PDE3B: variants seen among roughly 807,000 people sequenced by gnomAD.
The protein encoded by PDE3B is cGMP-inhibited 3',5'-cyclic phosphodiesterase 3B.
Under a neutral mutation model 116.8 loss-of-function variants are expected in PDE3B, and 66 were observed. That is an observed-to-expected ratio of 0.56 (90% confidence interval 0.46 to 0.69). The LOEUF (loss-of-function observed/expected upper bound fraction) is 0.69, where lower values mean the gene tolerates loss of function less well. Ranked by LOEUF, PDE3B falls within the 30% of genes least tolerant of loss-of-function variation. The pLI is 0.00. For synonymous variants in PDE3B, 595 were observed against 533.6 expected (o/e 1.12, Z -1.59); for missense variants, 1,384 against 1,368.1 (o/e 1.01, Z -0.18).
intron 14 of PDE3B, among the ~76,000 whole-genome samples, chr11:14,862,396 C>T (rs1439455739): frequency 6.6e-6 from 1 of 152,076 alleles, no homozygotes; most frequent in Non-Finnish European, 1.5e-5. Context: ...TTAAGTTATT[C>T]AGGGTGTGCT....
chr11:14,769,847 T>C (rs971328675), intron 1 of PDE3B, among the ~76,000 whole-genome samples: 1 of 149,890 alleles, frequency 6.7e-6, no homozygotes, highest in Admixed American at 6.7e-5. Context: ...TTGGAAGTGA[T>C]AGCACCACTG....
At position 14,643,862 on chromosome 11, in the gene PDE3B, G is replaced by A. The variant is rs1853267039; in HGVS notation, c.-214G>A. On this transcript the variant is annotated 5_prime_UTR_variant, in exon 1 of 16. Transcript: ENST00000282096. ...GCAGCTAAACTGGTCCTGGAGAGAA[G>A]CCCCTTCCGCCCCTCTCCTCAGCCA... 1 of 601,098 alleles carries A rather than the reference G, an allele frequency of 1.7e-6. No individual in the cohort carries two copies. Among genetic ancestry groups the A allele is most frequent in the Non-Finnish European group, 2.6e-6 (1 of 384,980 alleles). 37.2% of individuals were successfully genotyped at this position (601,098 alleles called of 1,614,324 possible).
intron 7 of PDE3B, among the ~76,000 whole-genome samples, chr11:14,829,479 G>A (rs1257149728): frequency 6.6e-6 from 1 of 152,012 alleles, no homozygotes; most frequent in African/African-American, 2.4e-5. Context: ...TAAGAGAAAA[G>A]GCAAAGAAAA....
chr11:14,740,712 C>G (rs948880172), intron 1 of PDE3B, among the ~76,000 whole-genome samples: 1 of 152,180 alleles, frequency 6.6e-6, no homozygotes, highest in Non-Finnish European at 1.5e-5. Flanking sequence ...GATTGTAGAT[C>G]TTTTCTGCTT....
At chr11:14,819,779 T>TA (rs1317187300) in intron 7 of PDE3B, among the ~76,000 whole-genome samples, 1 of 152,046 alleles carries the variant, frequency 6.6e-6, no homozygotes, top group East Asian at 1.9e-4. Context: ...ATTGAAGAAC[T>TA]AAAAAAATCT....
intron 1 of PDE3B, among the ~76,000 whole-genome samples, chr11:14,690,821 A>G (rs1228584025): frequency 6.6e-6 from 1 of 152,118 alleles, no homozygotes; most frequent in Non-Finnish European, 1.5e-5. Flanking sequence ...ACTAATGAGT[A>G]TGAATTTGGG....
At chr11:14,730,373 T>C (rs1410783745) in intron 1 of PDE3B, among the ~76,000 whole-genome samples, 1 of 152,244 alleles carries the variant, frequency 6.6e-6, no homozygotes, top group Non-Finnish European at 1.5e-5. Flanking sequence ...TTTCTAAGTG[T>C]AGGAAAGTTC....
intron 1 of PDE3B, among the ~76,000 whole-genome samples, chr11:14,718,432 C>T (rs1157127140): frequency 3.4e-5 from 5 of 147,074 alleles, no homozygotes; most frequent in African/African-American, 1.3e-4. Context: ...TAATAGACAT[C>T]TACAGAACTC....
chr11:14,731,869 T>C (rs1856467607), intron 1 of PDE3B, among the ~76,000 whole-genome samples: 1 of 152,216 alleles, frequency 6.6e-6, no homozygotes, highest in African/African-American at 2.4e-5. Flanking sequence ...ATGGAGCTTA[T>C]ACACTTATAG....
At chr11:14,821,832 G>T (rs1195773443) in intron 7 of PDE3B, among the ~76,000 whole-genome samples, 1 of 151,698 alleles carries the variant, frequency 6.6e-6, no homozygotes, top group African/African-American at 2.4e-5. Flanking sequence ...GAGAAAGCTT[G>T]CCATTATTAA....
At chr11:14,743,531 G>A (rs1856823648) in intron 1 of PDE3B, among the ~76,000 whole-genome samples, 1 of 152,152 alleles carries the variant, frequency 6.6e-6, no homozygotes, top group Non-Finnish European at 1.5e-5. Context: ...CTAGACCACT[G>A]GGCTCCCTGG....
chr11:14,684,815 T>G (rs772510825), intron 1 of PDE3B, among the ~76,000 whole-genome samples: 1 of 152,128 alleles, frequency 6.6e-6, no homozygotes, highest in Non-Finnish European at 1.5e-5. Flanking sequence ...GTTTATAGGC[T>G]CTCTGCAGGA....
chr11:14,804,477 T>C (rs1382100154), intron 5 of PDE3B, among the ~76,000 whole-genome samples: 1 of 151,930 alleles, frequency 6.6e-6, no homozygotes, highest in African/African-American at 2.4e-5. Flanking sequence ...AATTAAAAGA[T>C]TATAGAATGA....
At chr11:14,695,841 T>G (rs1855191640) in intron 1 of PDE3B, among the ~76,000 whole-genome samples, 1 of 152,188 alleles carries the variant, frequency 6.6e-6, no homozygotes, top group Admixed American at 6.5e-5. Context: ...ACAAAGGACA[T>G]GATCTCATTC....
intron 11 of PDE3B, among the ~76,000 whole-genome samples, chr11:14,838,200 C>T (rs1485433716): frequency 6.6e-6 from 1 of 151,838 alleles, no homozygotes; most frequent in Non-Finnish European, 1.5e-5. Flanking sequence ...AGGATGGTCT[C>T]GATCTCCCGA....
chr11:14,793,078 A>T (rs1383038435), intron 4 of PDE3B, among the ~76,000 whole-genome samples: 2 of 152,188 alleles, frequency 1.3e-5, no homozygotes, highest in Non-Finnish European at 2.9e-5. Context: ...TGGTATCCAT[A>T]TGAGATTATG....
intron 1 of PDE3B, among the ~76,000 whole-genome samples, chr11:14,685,446 CTTTTTTTTTTTTTT>C (rs71044017): frequency 2.3e-5 from 2 of 86,310 alleles, no homozygotes; most frequent in East Asian, 7.4e-4. Context: ...TTTTTCTCAT[CTTTTTTTTTTTTTT>C]TTTTTTTTTT....
At chr11:14,703,015 A>AT (rs1380808276) in intron 1 of PDE3B, among the ~76,000 whole-genome samples, 1 of 151,692 alleles carries the variant, frequency 6.6e-6, no homozygotes, top group Non-Finnish European at 1.5e-5. Flanking sequence ...TCTCTAGTTC[A>AT]TTTTTTTCTA....
At chr11:14,744,491 A>G (rs1483346643) in intron 1 of PDE3B, among the ~76,000 whole-genome samples, 1 of 152,154 alleles carries the variant, frequency 6.6e-6, no homozygotes, top group Admixed American at 6.5e-5. Context: ...TTTCATTGTC[A>G]AAGTTTTGTA....
Sources: gnomAD v4.1 joint callset for allele counts (sites outside exome capture counted in the v4.1 genomes callset) on GRCh38, gnomAD v4.1.1 for gene constraint, MANE v1.5 for transcripts, NCBI Gene and HGNC (gene_info 2026-07-23, HGNC 2026-07-21) for gene names.